The following DLC1 variants were observed in gnomAD, a reference collection of about 807,000 sequenced individuals.
DLC1 encodes rho GTPase-activating protein 7.
In DLC1, 54 loss-of-function variants were observed where a neutral mutation model predicts 140.3. The ratio of observed to expected loss-of-function variants is 0.38; its 90% CI spans 0.31 to 0.48. DLC1 has a LOEUF of 0.48. Ranked by LOEUF, DLC1 falls within the 20% of genes least tolerant of loss-of-function variation. The pLI is 0.96. For missense variants in DLC1, 2,536 were observed against 1,907.0 expected (o/e 1.33, Z -6.14); for synonymous variants, 986 against 728.1 (o/e 1.35, Z -5.70).
rs533909874 is a variant in DLC1, at chr8:13,144,751, C to T, written c.1349-29094G>A. 3.3e-5 allele frequency among the ~76,000 whole-genome samples: 5 copies of T among 152,224 alleles called. No individual in the cohort carries two copies. The East Asian group carries it at 5.8e-4, about 18-fold the overall frequency. On this transcript the variant is annotated intron_variant, in intron 5 of 17. Coordinates refer to ENST00000276297, the MANE Select transcript of DLC1 (RefSeq NM_182643.3). ...CTGCACTCCAGCCTGGGCAACAGAG[C>T]GATACTCTGCCTCATAAACAAATTA...
intron 1 of DLC1, chr8:13,604,509 G>A (rs894253435): frequency 2.0e-5 from 3 of 152,124 alleles, no homozygotes; most frequent in African/African-American, 7.2e-5. Flanking sequence ...ATGATACAAA[G>A]TATAAAGTAG....
At chr8:13,575,317 G>GT (rs1804800341) in intron 1 of DLC1, among the ~76,000 whole-genome samples, 1 of 152,058 alleles carries the variant, frequency 6.6e-6, no homozygotes, top group African/African-American at 2.4e-5. Context: ...GAGTATGAAG[G>GT]TTTATTTACT....
chr8:13,202,230 C>T (rs1299474353), intron 5 of DLC1, among the ~76,000 whole-genome samples: 6 of 152,104 alleles, frequency 3.9e-5, no homozygotes, highest in East Asian at 3.9e-4. Flanking sequence ...AGGTGTGAGC[C>T]GCTGTGCCAG....
intron 4 of DLC1, among the ~76,000 whole-genome samples, chr8:13,350,213 C>T (rs147683881): frequency 1.9e-3 from 290 of 152,204 alleles, no homozygotes; most frequent in African/African-American, 6.5e-3. Flanking sequence ...CTTTTAAGGC[C>T]CACTTTTAAA....
intron 5 of DLC1, chr8:13,276,744 A>T (rs1378494564): frequency 9.2e-6 from 3 of 327,526 alleles, no homozygotes; most frequent in African/African-American, 2.3e-5. Context: ...TCTTCCCTTC[A>T]GGGGCAGTCC....
chr8:13,551,127 C>G (rs926561903), intron 1 of DLC1, among the ~76,000 whole-genome samples: 14 of 148,498 alleles, frequency 9.4e-5, no homozygotes, highest in African/African-American at 3.5e-4. Context: ...TTTGAAAACT[C>G]TTTGGAAAAT....
intron 1 of DLC1, among the ~76,000 whole-genome samples, chr8:13,584,845 C>T (rs893746373): frequency 1.3e-5 from 2 of 152,164 alleles, no homozygotes; most frequent in African/African-American, 4.8e-5. Context: ...TTTCTTTCTC[C>T]CGCAATAGGT....
At chr8:13,544,279 G>T (rs1803583028) in intron 1 of DLC1, among the ~76,000 whole-genome samples, 1 of 151,372 alleles carries the variant, frequency 6.6e-6, no homozygotes, top group African/African-American at 2.4e-5. Context: ...CCAATAATTT[G>T]CAACCCAGAG....
chr8:13,123,643 A>G (rs1345027457), intron 5 of DLC1, among the ~76,000 whole-genome samples: 2 of 151,428 alleles, frequency 1.3e-5, no homozygotes, highest in East Asian at 3.9e-4. Context: ...GGGCCGTGGC[A>G]CCTGGGCCCT....
intron 4 of DLC1, among the ~76,000 whole-genome samples, chr8:13,377,774 G>A (rs1836067327): frequency 6.6e-6 from 1 of 151,904 alleles, no homozygotes; most frequent in East Asian, 1.9e-4. Flanking sequence ...GAACATTGGA[G>A]GCACAAATCT....
intron 1 of DLC1, among the ~76,000 whole-genome samples, chr8:13,540,531 C>G (rs1366872644): frequency 6.6e-6 from 1 of 152,152 alleles, no homozygotes; most frequent in African/African-American, 2.4e-5. Context: ...ATAAACCAGA[C>G]AAGTGCCATC....
At chr8:13,350,450 T>G (rs1834595534) in intron 4 of DLC1, among the ~76,000 whole-genome samples, 1 of 152,096 alleles carries the variant, frequency 6.6e-6, no homozygotes, top group Non-Finnish European at 1.5e-5. Context: ...GCGTGGTGGC[T>G]CACGTCTGTA....
intron 5 of DLC1, chr8:13,133,302 C>G (rs987662888): frequency 8.0e-7 from 1 of 1,249,950 alleles, no homozygotes; most frequent in Non-Finnish European, 1.0e-6. Flanking sequence ...CTCCCGCGCG[C>G]TCCGCCAGCC....
chr8:13,502,647 C>T (rs1801872926), intron 1 of DLC1, among the ~76,000 whole-genome samples: 1 of 152,168 alleles, frequency 6.6e-6, no homozygotes, highest in South Asian at 2.1e-4. Context: ...AATCTATCCC[C>T]TAATAGAGAG....
At chr8:13,318,798 C>T (rs540816146) in intron 4 of DLC1, among the ~76,000 whole-genome samples, 1 of 152,150 alleles carries the variant, frequency 6.6e-6, no homozygotes, top group Non-Finnish European at 1.5e-5. Flanking sequence ...AGTCCTTGGC[C>T]GGCTGAACCT....
In DLC1 at chr8:13,095,183, C is replaced by G. The variant is rs1563579562; in HGVS notation, c.3230G>C (p.Gly1077Ala). The change falls in exon 11 of 18, where the codon GGG becomes GCG. Residue 1077 changes from glycine (G) to alanine (A), a missense_variant. Gly to Ala is a moderately conservative substitution (Grantham distance 60). Coordinates refer to ENST00000276297, the MANE Select transcript of DLC1 (RefSeq NM_182643.3). ...CTGCACGTTGACCGTCAGTGGGACC[C>G]CAAACACACTCCGGTCCTTGTAGTC... ...VPDYKDRSVF[G>A]VPLTVNVQRT... is the part of the protein sequence containing the mutation. The G allele has an allele frequency of 1.2e-6, 2 of 1,614,252 alleles. No individual in the cohort carries two copies. The highest frequency in any genetic ancestry group is 1.7e-5 in the Admixed American group (1 of 60,032).
chr8:13,535,649 G>A (rs1276567451), intron 1 of DLC1, among the ~76,000 whole-genome samples: 1 of 143,020 alleles, frequency 7.0e-6, no homozygotes, highest in Non-Finnish European at 1.5e-5. Flanking sequence ...TTAAGTGAGG[G>A]CGTGGGGATC....
At chr8:13,225,995 C>G (rs955388260) in intron 5 of DLC1, among the ~76,000 whole-genome samples, 4 of 152,146 alleles carry the variant, frequency 2.6e-5, no homozygotes, top group African/African-American at 7.2e-5. Flanking sequence ...TCATTGCAGC[C>G]TTGAACTCCA....
At chr8:13,545,805 A>G (rs1463302535) in intron 1 of DLC1, among the ~76,000 whole-genome samples, 1 of 152,186 alleles carries the variant, frequency 6.6e-6, no homozygotes, top group Non-Finnish European at 1.5e-5. Flanking sequence ...AAGAAATCTT[A>G]GAATTATTAT....
Sources: allele counts gnomAD v4.1 joint callset (sites outside exome capture counted in the v4.1 genomes callset), GRCh38; gene constraint gnomAD v4.1.1; transcripts MANE v1.5; gene names NCBI Gene and HGNC (gene_info 2026-07-23, HGNC 2026-07-21).